The following RAB6A variants were observed in gnomAD, a reference collection of about 807,000 sequenced individuals.
RAB6A encodes the protein ras-related protein Rab-6A.
Under a neutral mutation model 32.3 loss-of-function variants are expected in RAB6A, and 8 were observed. The observed-to-expected ratio is 0.25, with a 90% CI of 0.15 to 0.45. The LOEUF (loss-of-function observed/expected upper bound fraction) is 0.45. Ranked by LOEUF, RAB6A falls within the 20% of genes least tolerant of loss-of-function variation. The pLI is 1.00. For synonymous variants in RAB6A, 73 were observed against 82.1 expected, an observed-to-expected ratio of 0.89 and a Z score of 0.60; for missense variants, 104 against 249.4, an observed-to-expected ratio of 0.42 and a Z score of 3.93.
At chr11:73,755,814 G>A (rs1792166) in intron 1 of RAB6A, among the ~76,000 whole-genome samples, 71,368 of 147,144 alleles carry the variant, frequency 0.49, 18,691 homozygotes, top group East Asian at 0.6. Flanking sequence ...AGGTGGAAAG[G>A]GGGAAGGAAG....
intron 6 of RAB6A, among the ~76,000 whole-genome samples, chr11:73,696,001 G>C (rs185438300): frequency 2.9e-4 from 44 of 152,264 alleles, no homozygotes; most frequent in African/African-American, 1.1e-3. Context: ...AAATCACTAT[G>C]ACTACCAGTT....
At chr11:73,757,914 C>G (rs1226845633) in intron 1 of RAB6A, among the ~76,000 whole-genome samples, 1 of 151,988 alleles carries the variant, frequency 6.6e-6, no homozygotes, top group East Asian at 1.9e-4. Context: ...ACACACTGAA[C>G]AAAAAAGAAT....
chr11:73,705,144 T>C (rs992300674), intron 6 of RAB6A, among the ~76,000 whole-genome samples: 1 of 152,178 alleles, frequency 6.6e-6, no homozygotes, highest in Non-Finnish European at 1.5e-5. Flanking sequence ...CTACTTAGGG[T>C]CAGGGCTAGG....
At chr11:73,709,229 T>C (rs896840884) in intron 5 of RAB6A, among the ~76,000 whole-genome samples, 8 of 152,036 alleles carry the variant, frequency 5.3e-5, no homozygotes, top group African/African-American at 1.4e-4. Flanking sequence ...ATTATCCCAA[T>C]AATGTCCTTT....
chr11:73,728,515 G>A (rs533671919), intron 2 of RAB6A, among the ~76,000 whole-genome samples: 2 of 151,454 alleles, frequency 1.3e-5, no homozygotes, highest in East Asian at 1.9e-4. Flanking sequence ...GCTCATGCCT[G>A]TAATCCCAGC....
At chr11:73,743,050 T>G (rs1216912649) in intron 1 of RAB6A, among the ~76,000 whole-genome samples, 1 of 151,974 alleles carries the variant, frequency 6.6e-6, no homozygotes, top group Admixed American at 6.6e-5. Context: ...ACGCCTGTAA[T>G]CCCAGCACTT....
In RAB6A at chr11:73,726,406, C is replaced by T. The variant is rs1322959640; in HGVS notation, c.129+4359G>A. Reference sequence around the variant, plus strand: ...GACCATCCTGGCTAGCACAGTGAAACCCTGTCTCTACTAAAAATACAAAAA... The same window carrying T: ...GACCATCCTGGCTAGCACAGTGAAATCCTGTCTCTACTAAAAATACAAAAA... On this transcript the variant is annotated intron_variant, in intron 2 of 7. Coordinates refer to ENST00000336083, the MANE Select transcript of RAB6A (RefSeq NM_198896.2). Among the ~76,000 whole-genome samples, 9 of 150,458 alleles carry T rather than the reference C, an allele frequency of 6.0e-5. No homozygotes were observed. In the South Asian group the frequency reaches 8.5e-4, roughly 14 times the overall value.
chr11:73,717,682 G>A (rs1219795084), intron 4 of RAB6A, among the ~76,000 whole-genome samples: 1 of 152,208 alleles, frequency 6.6e-6, no homozygotes, highest in Non-Finnish European at 1.5e-5. Context: ...GACCTCAGGT[G>A]ATCCGCCTGC....
At chr11:73,689,322 C>A (rs1306224325) in intron 6 of RAB6A, among the ~76,000 whole-genome samples, 1 of 152,150 alleles carries the variant, frequency 6.6e-6, no homozygotes, top group African/African-American at 2.4e-5. Flanking sequence ...GAGTGTGCAA[C>A]CTAGATCCCT....
intron 7 of RAB6A, among the ~76,000 whole-genome samples, chr11:73,678,819 G>A (rs1945309463): frequency 6.6e-6 from 1 of 150,922 alleles, no homozygotes; most frequent in African/African-American, 2.4e-5. Flanking sequence ...TCTGCCTCCT[G>A]GGTTCAAGCA....
chr11:73,694,833 G>C (rs941227980), intron 6 of RAB6A, among the ~76,000 whole-genome samples: 1 of 152,124 alleles, frequency 6.6e-6, no homozygotes, highest in African/African-American at 2.4e-5. Flanking sequence ...GGCCAACACG[G>C]CAAAACTCTA....
rs1946146958 is a variant in RAB6A, at chr11:73,722,313, A to ATGTGTGTGTG, written c.130-1415_130-1414insCACACACACA. ...AATATATATGTGTGTGTGTATATAT[A>ATGTGTGTGTG]TATATATATATATATATATATATAT... On this transcript the variant is annotated intron_variant, in intron 2 of 7. Coordinates refer to ENST00000336083, the MANE Select transcript of RAB6A (RefSeq NM_198896.2). 3 of 50,188 alleles carry ATGTGTGTGTG rather than the reference A, an allele frequency of 6.0e-5. No homozygotes were observed. In the South Asian group the frequency reaches 2.9e-3, roughly 48 times the overall value. 3.1% of individuals were successfully genotyped at this position (50,188 alleles called of 1,614,324 possible).
chr11:73,738,879 G>A (rs993231156), intron 1 of RAB6A, among the ~76,000 whole-genome samples: 2 of 150,846 alleles, frequency 1.3e-5, no homozygotes, highest in African/African-American at 4.9e-5. Context: ...GGGAGTCGGA[G>A]GCTGCAGTGA....
intron 6 of RAB6A, among the ~76,000 whole-genome samples, chr11:73,692,637 G>A (rs1381561315): frequency 1.3e-5 from 2 of 151,216 alleles, no homozygotes; most frequent in African/African-American, 4.9e-5. Flanking sequence ...GACTAAATTA[G>A]ATGAACGTCA....
chr11:73,731,161 A>G (rs1946295298), intron 1 of RAB6A, among the ~76,000 whole-genome samples: 3 of 152,186 alleles, frequency 2.0e-5, no homozygotes, highest in Admixed American at 6.5e-5. Context: ...CACTTCATCT[A>G]GCAAATCAAA....
At chr11:73,750,874 T>A (rs969977431) in intron 1 of RAB6A, among the ~76,000 whole-genome samples, 9 of 151,934 alleles carry the variant, frequency 5.9e-5, no homozygotes, top group Non-Finnish European at 1.2e-4. Flanking sequence ...TAGAGTGAGG[T>A]GACACAATCA....
intron 6 of RAB6A, among the ~76,000 whole-genome samples, chr11:73,695,242 C>A (rs557838717): frequency 3.9e-5 from 6 of 152,034 alleles, no homozygotes; most frequent in African/African-American, 1.2e-4. Flanking sequence ...AAAAGAAAAA[C>A]CTATTTCTTA....
chr11:73,703,717 G>A (rs1174709257), intron 6 of RAB6A, among the ~76,000 whole-genome samples: 1 of 151,864 alleles, frequency 6.6e-6, no homozygotes, highest in Non-Finnish European at 1.5e-5. Context: ...CTCCAGCCTG[G>A]GCAACAGAGC....
At chr11:73,747,157 C>T (rs1032606343) in intron 1 of RAB6A, among the ~76,000 whole-genome samples, 2 of 151,274 alleles carry the variant, frequency 1.3e-5, no homozygotes, top group African/African-American at 4.9e-5. Flanking sequence ...AAAAATAGTA[C>T]AGAGAATTTC....
Sources: gnomAD v4.1 joint callset for allele counts (sites outside exome capture counted in the v4.1 genomes callset) on GRCh38, gnomAD v4.1.1 for gene constraint, MANE v1.5 for transcripts, NCBI Gene and HGNC (gene_info 2026-07-23, HGNC 2026-07-21) for gene names.